Variants in WWC1 observed in about 807,000 individuals in gnomAD.
The protein encoded by WWC1 is WW and C2 domain containing 1.
Under a neutral mutation model 138.4 loss-of-function variants are expected in WWC1, and 55 were observed. The ratio of observed to expected loss-of-function variants is 0.40; its 90% CI spans 0.32 to 0.50. WWC1 has a LOEUF of 0.50. Among genes scored for constraint, WWC1 ranks in the 20% least tolerant of loss-of-function variants. WWC1 has a pLI of 0.72. For missense variants in WWC1, 1,226 were observed against 1,420.4 expected (o/e 0.86, Z 2.20); for synonymous variants, 524 against 564.9 (o/e 0.93, Z 1.03).
intron 4 of WWC1, 27 bp downstream of exon 4, chr5:168,397,827 G>T (rs1324737948): frequency 6.2e-7 from 1 of 1,613,300 alleles, no homozygotes; most frequent in Non-Finnish European, 8.5e-7. Flanking sequence ...TATGCTATGT[G>T]CTAGTGATTG....
intron 17 of WWC1, among the ~76,000 whole-genome samples, chr5:168,447,805 G>C (rs3927085): frequency 0.79 from 118,610 of 150,940 alleles, 47,442 homozygotes; most frequent in Non-Finnish European, 0.87. Context: ...CTCTCTCTCT[G>C]TCTGTTTCTC....
intron 11 of WWC1, among the ~76,000 whole-genome samples, chr5:168,426,470 C>G (rs149315247): frequency 6.6e-6 from 1 of 152,166 alleles, no homozygotes; most frequent in African/African-American, 2.4e-5. Flanking sequence ...ACACAGGTCT[C>G]GGGATGGCAT....
chr5:168,369,866 T>C (rs1442892955), intron 1 of WWC1, among the ~76,000 whole-genome samples: 1 of 151,730 alleles, frequency 6.6e-6, no homozygotes, highest in Non-Finnish European at 1.5e-5. Context: ...TTTTCCTATG[T>C]ATTCATTACA....
chr5:168,430,285 T>TAACTC, intron 14 of WWC1, 62 bp downstream of exon 14: 1 of 1,440,186 alleles, frequency 6.9e-7, no homozygotes, highest in Non-Finnish European at 9.6e-7. Flanking sequence ...CCCCTGGGGG[T>TAACTC]CACTTTTCTG....
intron 1 of WWC1, among the ~76,000 whole-genome samples, chr5:168,303,937 G>A (rs1474500131): frequency 6.6e-6 from 1 of 152,164 alleles, no homozygotes; most frequent in African/African-American, 2.4e-5. Context: ...CTTATCCACC[G>A]CTATTCCCCT....
chr5:168,357,913 G>A (rs1413884520), intron 1 of WWC1, among the ~76,000 whole-genome samples: 1 of 152,210 alleles, frequency 6.6e-6, no homozygotes, highest in Non-Finnish European at 1.5e-5. Context: ...ATCAGTTACT[G>A]TAGGCCTCTG....
chr5:168,439,492 G>A (rs1278082633), intron 15 of WWC1, among the ~76,000 whole-genome samples: 1 of 151,626 alleles, frequency 6.6e-6, no homozygotes, highest in Admixed American at 6.6e-5. Context: ...AAAAGGCCAG[G>A]CGTGGTGGCA....
chr5:168,333,092 G>T (rs1298521040), intron 1 of WWC1, among the ~76,000 whole-genome samples: 7 of 152,184 alleles, frequency 4.6e-5, no homozygotes, highest in Admixed American at 4.6e-4. Flanking sequence ...GCATCTCTGG[G>T]GATGGCACCC....
intron 1 of WWC1, among the ~76,000 whole-genome samples, chr5:168,317,684 C>T (rs1167369080): frequency 6.6e-6 from 1 of 152,148 alleles, no homozygotes; most frequent in East Asian, 1.9e-4. Flanking sequence ...TCCTGCTCCT[C>T]AGTATTCCCA....
At chr5:168,465,827 CGA>C (rs1757251095) in intron 21 of WWC1, among the ~76,000 whole-genome samples, 1 of 151,984 alleles carries the variant, frequency 6.6e-6, no homozygotes, top group Non-Finnish European at 1.5e-5. Context: ...CAAAGTGTTG[CGA>C]TTACAGGCAT....
chr5:168,392,871 G>A (rs1342172115), intron 3 of WWC1, among the ~76,000 whole-genome samples: 1 of 152,120 alleles, frequency 6.6e-6, no homozygotes, highest in African/African-American at 2.4e-5. Context: ...CCAACACGTG[G>A]TGAAGGGAGG....
At chr5:168,375,922 C>T (rs950354160) in intron 2 of WWC1, among the ~76,000 whole-genome samples, 1 of 137,292 alleles carries the variant, frequency 7.3e-6, no homozygotes, top group Middle Eastern at 3.8e-3. Flanking sequence ...TATTTCATGT[C>T]AGTATTCAGT....
chr5:168,414,803 T>C (rs1355308866), intron 9 of WWC1: 2 of 667,020 alleles, frequency 3.0e-6, no homozygotes, highest in Non-Finnish European at 4.8e-6. Context: ...GCATGGTGAA[T>C]CATGCTACCA....
intron 1 of WWC1, among the ~76,000 whole-genome samples, chr5:168,338,036 C>A (rs927294652): frequency 6.6e-6 from 1 of 152,078 alleles, no homozygotes; most frequent in Admixed American, 6.6e-5. Context: ...GAAGGCCAGG[C>A]GCAGGGGCTC....
intron 15 of WWC1, among the ~76,000 whole-genome samples, chr5:168,437,104 G>A (rs1231560941): frequency 6.6e-6 from 1 of 151,762 alleles, no homozygotes; most frequent in Non-Finnish European, 1.5e-5. Context: ...CTCCCCTCCG[G>A]GCCTTTGCAC....
chr5:168,399,571 A>G lies in WWC1; in HGVS notation c.590+4A>G, dbSNP rs951385627. On this transcript the variant is annotated splice_donor_region_variant and intron_variant, in intron 5 of 22. Coordinates refer to ENST00000265293, the MANE Select transcript of WWC1 (RefSeq NM_015238.3). Reference sequence around the variant, plus strand: ...GTGGCTTTCAGACCCTGAAGAAGTAAGTACACCCTGCATCCCAGAGCATGG... The same window carrying G: ...GTGGCTTTCAGACCCTGAAGAAGTAGGTACACCCTGCATCCCAGAGCATGG... The G allele has an allele frequency of 3.7e-6, 6 of 1,613,946 alleles. No individual in the cohort carries two copies. Among genetic ancestry groups the G allele is most frequent in the Middle Eastern group, 1.6e-4 (1 of 6,062 alleles).
rs1476867813 is a variant in WWC1, at chr5:168,467,124, G to A, written c.3151-716G>A. ...ATACAAAAAATTAGCCGGGCATGGT[G>A]GCGGGCGCCTGTAGTCCCAGCTACT... On this transcript the variant is annotated intron_variant, in intron 21 of 22. Coordinates refer to ENST00000265293, the MANE Select transcript of WWC1 (RefSeq NM_015238.3). Among the ~76,000 whole-genome samples, 3 of 152,192 alleles carry A rather than the reference G, an allele frequency of 2.0e-5. No homozygotes were observed. The East Asian group carries it at 5.8e-4, about 29-fold the overall frequency.
rs1390913542 is a variant in WWC1 at position 168,442,447 on chromosome 5, A to AAAG, written c.2433+615_2433+616insGAA. Among the ~76,000 whole-genome samples the AAAG allele has an allele frequency of 3.3e-5, 5 of 150,732 alleles. No individual in the cohort carries two copies. In the East Asian group the frequency reaches 9.7e-4, roughly 29 times the overall value. On this transcript the variant is annotated intron_variant, in intron 16 of 22. Transcript: ENST00000265293. ...GTGAGGCCTTGTCTCTACAAAAAAA[A>AAAG]AAAAAAAAAATTTAATTAAAAAAAA... is the stretch of plus-strand genomic sequence containing the variant.
At chr5:168,309,248 C>T (rs566950725) in intron 1 of WWC1, among the ~76,000 whole-genome samples, 13 of 152,286 alleles carry the variant, frequency 8.5e-5, no homozygotes, top group African/African-American at 3.1e-4. Context: ...ACATCCTTTG[C>T]CATGAAGCCT....
Sources: allele counts gnomAD v4.1 joint callset (sites outside exome capture counted in the v4.1 genomes callset), GRCh38; gene constraint gnomAD v4.1.1; transcripts MANE v1.5; gene names NCBI Gene and HGNC (gene_info 2026-07-23, HGNC 2026-07-21).